The following BLNK variants were observed in gnomAD, a reference collection of about 807,000 sequenced individuals.
The protein encoded by BLNK is B-cell linker protein.
In BLNK, 29 loss-of-function variants were observed where a neutral mutation model predicts 73.5. That is an observed-to-expected ratio of 0.39 (90% confidence interval 0.29 to 0.54). The LOEUF is 0.54. Among genes scored for constraint, BLNK ranks in the 20% least tolerant of loss-of-function variants. BLNK has a pLI of 0.61. For synonymous variants in BLNK, 176 were observed against 200.8 expected (o/e 0.88, Z 1.04); for missense variants, 460 against 562.8 (o/e 0.82, Z 1.85).
At chr10:96,220,273 G>A (rs1177645449) in intron 6 of BLNK, among the ~76,000 whole-genome samples, 1 of 152,066 alleles carries the variant, frequency 6.6e-6, no homozygotes, top group African/African-American at 2.4e-5. Context: ...ACCCACACGT[G>A]TCCATGTCAT....
At chr10:96,196,304 C>G (rs922004639) in intron 16 of BLNK, among the ~76,000 whole-genome samples, 8 of 152,128 alleles carry the variant, frequency 5.3e-5, no homozygotes, top group Non-Finnish European at 1.5e-5. Flanking sequence ...GCTCATATTT[C>G]AGGGTTCATT....
intron 3 of BLNK, among the ~76,000 whole-genome samples, chr10:96,241,702 A>G (rs1410966746): frequency 1.3e-5 from 2 of 150,070 alleles, no homozygotes; most frequent in Non-Finnish European, 3.0e-5. Flanking sequence ...TGCTTCCCCT[A>G]TCACTGAATT....
chr10:96,217,023 C>G (rs587725252), intron 6 of BLNK, among the ~76,000 whole-genome samples: 9 of 152,292 alleles, frequency 5.9e-5, no homozygotes, highest in Admixed American at 1.3e-4. Context: ...CTTTCTTTCT[C>G]TATAGATTTT....
At chr10:96,194,400 G>C (rs951104510) in intron 16 of BLNK, among the ~76,000 whole-genome samples, 14 of 152,066 alleles carry the variant, frequency 9.2e-5, no homozygotes, top group African/African-American at 1.4e-4. Flanking sequence ...AAAAATTCTA[G>C]AAGAAAATGT....
chr10:96,270,034 G>T (rs2134162738), intron 1 of BLNK, among the ~76,000 whole-genome samples: 1 of 152,232 alleles, frequency 6.6e-6, no homozygotes, highest in African/African-American at 2.4e-5. Flanking sequence ...GTCGCTTACA[G>T]CTTCCATTGT....
Position 96,271,370 on chromosome 10 carries a change from G to A in BLNK, c.29C>T (p.Pro10Leu). ...ATCTTACCTCAACTTCTGACTGGCG[G>A]GGACGGTTATTTTATTAAGCTTGTC... MDKLNKITV[P>L]ASQKLRQLQK... Residue 10 changes from proline to leucine, a missense_variant, in exon 1 of 17, where the codon CCC (proline) becomes CTC (leucine). Physicochemically the swap from Pro to Leu is moderately conservative, Grantham distance 98 (BLOSUM62 -3). This residue lies in a region of BLNK where 139 missense variants were observed against 187.3 expected (regional missense o/e 0.74). Coordinates refer to ENST00000224337, the MANE Select transcript of BLNK (RefSeq NM_013314.4). 6.2e-7 allele frequency: 1 copy of A among 1,614,158 alleles called. No individual in the cohort carries two copies. Among genetic ancestry groups the A allele is most frequent in the Non-Finnish European group, 8.5e-7 (1 of 1,180,006 alleles).
chr10:96,253,877 C>T (rs12783926), intron 1 of BLNK, among the ~76,000 whole-genome samples: 22 of 151,864 alleles, frequency 1.4e-4, no homozygotes, highest in East Asian at 5.8e-4. Context: ...AAAAATTAGC[C>T]GGGCATGGTG....
At chr10:96,252,679 T>C (rs1488890819) in intron 1 of BLNK, among the ~76,000 whole-genome samples, 4 of 152,192 alleles carry the variant, frequency 2.6e-5, no homozygotes, top group Non-Finnish European at 5.9e-5. Context: ...GTCATGTACT[T>C]TCTTCTTGAG....
Position 96,189,372 on chromosome 10 carries a change from C to T in BLNK, c.*2601G>A. 1.8e-6 allele frequency: 1 copy of T among 570,896 alleles called. No individual in the cohort carries two copies. 35.4% of individuals were successfully genotyped at this position (570,896 alleles called of 1,614,324 possible). ...TTTAAACTATTTTCTAAAGAGACTT[C>T]CTCCACTGCCAGGATCTTGAATAGT... On this transcript the variant is annotated 3_prime_UTR_variant, in exon 17 of 17. Transcript: ENST00000224337.
At chr10:96,225,977 C>G (rs1045766785) in intron 5 of BLNK, among the ~76,000 whole-genome samples, 5 of 152,144 alleles carry the variant, frequency 3.3e-5, no homozygotes, top group African/African-American at 1.2e-4. Flanking sequence ...CACTTAACCA[C>G]CCTGAATTGC....
chr10:96,199,683 C>T, intron 15 of BLNK: 1 of 374,326 alleles, frequency 2.7e-6, no homozygotes, highest in Non-Finnish European at 5.4e-6. Flanking sequence ...AGGACGACAA[C>T]TGTGTCTATT....
rs373734064 is a variant in BLNK, at chr10:96,231,162, C to T, written c.164-328G>A. ...GGCTTCTAAGGACTTCAGAGGATGGCGTAGTAGGAACAGCACAGGACAGGG... is the reference window on the plus strand; with the variant it reads ...GGCTTCTAAGGACTTCAGAGGATGGTGTAGTAGGAACAGCACAGGACAGGG... On this transcript the variant is annotated intron_variant, in intron 3 of 16. Coordinates refer to ENST00000224337, the MANE Select transcript of BLNK (RefSeq NM_013314.4). Among the ~76,000 whole-genome samples the T allele has an allele frequency of 3.9e-5, 6 of 152,220 alleles. No individual in the cohort carries two copies. In the East Asian group the frequency reaches 7.7e-4, roughly 20 times the overall value.
intron 5 of BLNK, 98 bp downstream of exon 5, chr10:96,227,312 A>G (rs1842306755): frequency 6.6e-7 from 1 of 1,509,622 alleles, no homozygotes; most frequent in Non-Finnish European, 8.9e-7. Context: ...AGAGGCCCTC[A>G]AGCAGCAGCC....
At chr10:96,230,743 G>T (rs782031639) in intron 4 of BLNK, 51 bp downstream of exon 4, 2 of 1,571,066 alleles carry the variant, frequency 1.3e-6, no homozygotes, top group Admixed American at 3.7e-5. Context: ...ATCTTCAAAA[G>T]GCCTCCCATG....
chr10:96,270,888 A>G (rs572330948), intron 1 of BLNK, among the ~76,000 whole-genome samples: 1 of 152,336 alleles, frequency 6.6e-6, no homozygotes, highest in African/African-American at 2.4e-5. Flanking sequence ...CACTTGTCAT[A>G]TACACCCACA....
Position 96,230,356 on chromosome 10 carries a change from T to C in BLNK, c.204+438A>G, listed in dbSNP as rs372615992. 2.0e-5 allele frequency among the ~76,000 whole-genome samples: 3 copies of C among 152,192 alleles called. No homozygotes were observed. The South Asian group carries it at 6.2e-4, about 32-fold the overall frequency. ...ACTGAAACTTTCTAGACCTTGGTCC[T>C]GGAGGCCCCCTGATGTGCCAGACAC... is the stretch of plus-strand genomic sequence containing the variant. On this transcript the variant is annotated intron_variant, in intron 4 of 16. Transcript: ENST00000224337.
chr10:96,252,265 C>T (rs530369825), intron 1 of BLNK, among the ~76,000 whole-genome samples: 3 of 152,174 alleles, frequency 2.0e-5, no homozygotes, highest in African/African-American at 7.2e-5. Flanking sequence ...GTTGGCCAGG[C>T]TGGTCTTGAA....
chr10:96,191,239 T>C lies in BLNK; in HGVS notation c.*734A>G, dbSNP rs1437235191. On this transcript the variant is annotated 3_prime_UTR_variant, in exon 17 of 17. Transcript: ENST00000224337. Reference sequence around the variant, plus strand: ...AACTGTGAGTCCATTAAACCTCTTTTTTTTTTTTTTTTTTTATGTAAATCA... The same window carrying C: ...AACTGTGAGTCCATTAAACCTCTTTCTTTTTTTTTTTTTTTATGTAAATCA... Among the ~76,000 whole-genome samples, 6 of 135,802 alleles carry C rather than the reference T, an allele frequency of 4.4e-5. No homozygotes were observed. Among genetic ancestry groups the C allele is most frequent in the Non-Finnish European group, 1.0e-4 (6 of 58,128 alleles). The allele number at this position is 135,802 out of a possible 152,430, so 89.1% of individuals were successfully genotyped here.
In BLNK at chr10:96,192,028, C is replaced by T. The variant is rs782445849; in HGVS notation, c.1316G>A (p.Ser439Asn). The change falls in exon 17 of 17, where the codon AGT becomes AAT. Residue 439 changes from serine (S) to asparagine (N), a missense_variant. Physicochemically the swap from Ser to Asn is conservative, Grantham distance 46. Coordinates refer to ENST00000224337, the MANE Select transcript of BLNK (RefSeq NM_013314.4). ...GGTGGAATCTTTTGTGTTATTCTGA[C>T]TGTCAATAAGAACCAAAGGACTATG... ...HQHSPLVLID[S>N]QNNTKDSTRL... 28 of 1,613,600 alleles carry T rather than the reference C, an allele frequency of 1.7e-5. No individual in the cohort carries two copies. Among genetic ancestry groups the T allele is most frequent in the Non-Finnish European group, 2.4e-5 (28 of 1,179,784 alleles).
Sources: gnomAD v4.1 joint callset for allele counts (sites outside exome capture counted in the v4.1 genomes callset) on GRCh38, gnomAD v4.1.1 for gene constraint, gnomAD v4.1.1 regional missense constraint, MANE v1.5 for transcripts, NCBI Gene and HGNC (gene_info 2026-07-23, HGNC 2026-07-21) for gene names.